OPCML: variants seen among roughly 807,000 people sequenced by gnomAD.
OPCML encodes the protein opioid-binding protein/cell adhesion molecule.
Under a neutral mutation model 37.8 loss-of-function variants are expected in OPCML, and 13 were observed. That is an observed-to-expected ratio of 0.34 (90% confidence interval 0.22 to 0.55). The LOEUF (loss-of-function observed/expected upper bound fraction) is 0.55. Among genes scored for constraint, OPCML ranks in the 20% least tolerant of loss-of-function variants. The pLI is 0.91. For missense variants in OPCML, 341 were observed against 435.6 expected (o/e 0.78, Z 1.93); for synonymous variants, 176 against 168.8 (o/e 1.04, Z -0.33).
At chr11:132,706,709 C>G (rs1458410550) in intron 2 of OPCML, among the ~76,000 whole-genome samples, 1 of 152,160 alleles carries the variant, frequency 6.6e-6, no homozygotes, top group African/African-American at 2.4e-5. Flanking sequence ...AGCACTCCCC[C>G]ACCCTCTCAG....
chr11:133,236,289 A>G lies in OPCML; in HGVS notation c.62-293279T>C, dbSNP rs370129156. Among the ~76,000 whole-genome samples, 26 of 152,308 alleles carry G rather than the reference A, an allele frequency of 1.7e-4. No individual in the cohort carries two copies. In the East Asian group the frequency reaches 2.5e-3, roughly 15 times the overall value. ...GAGATGCTGGACAAAGGGATGATTCATGTCTGGGGTTAGATGGCACAGGAC... is the reference window on the plus strand; with the variant it reads ...GAGATGCTGGACAAAGGGATGATTCGTGTCTGGGGTTAGATGGCACAGGAC... On this transcript the variant is annotated intron_variant, in intron 1 of 7. Coordinates refer to ENST00000524381, the MANE Select transcript of OPCML (RefSeq NM_001012393.5).
chr11:132,898,630 T>A (rs1943935904), intron 2 of OPCML, among the ~76,000 whole-genome samples: 1 of 152,100 alleles, frequency 6.6e-6, no homozygotes, highest in Non-Finnish European at 1.5e-5. Flanking sequence ...TATGATCCTG[T>A]TTTTCCCATA....
At chr11:132,497,615 G>A (rs2096235563) in intron 4 of OPCML, among the ~76,000 whole-genome samples, 1 of 152,038 alleles carries the variant, frequency 6.6e-6, no homozygotes, top group Non-Finnish European at 1.5e-5. Flanking sequence ...AACATTCCAA[G>A]CAGAGGTAAT....
chr11:133,529,218 T>C (rs1201599638), intron 1 of OPCML, among the ~76,000 whole-genome samples: 2 of 152,212 alleles, frequency 1.3e-5, no homozygotes, highest in African/African-American at 2.4e-5. Context: ...TAGTTCAAAA[T>C]GCTTCCGTCT....
At chr11:132,963,800 A>G (rs781040348) in intron 1 of OPCML, among the ~76,000 whole-genome samples, 31 of 151,862 alleles carry the variant, frequency 2.0e-4, no homozygotes, top group Non-Finnish European at 4.4e-4. Context: ...TTTTTTTATT[A>G]TTATTCTACA....
At chr11:132,872,925 C>CTT (rs142924047) in intron 2 of OPCML, among the ~76,000 whole-genome samples, 3 of 147,326 alleles carry the variant, frequency 2.0e-5, no homozygotes, top group African/African-American at 7.4e-5. Flanking sequence ...TTCTTTCTTT[C>CTT]TTTTTTTTTT....
rs767855645 is a variant in OPCML, at chr11:132,529,133, T to C, written c.433A>G (p.Ser145Gly). 5.6e-6 allele frequency: 9 copies of C among 1,613,516 alleles called. No homozygotes were observed. The highest frequency in any genetic ancestry group is 7.6e-6 in the Non-Finnish European group (9 of 1,179,630). Reference sequence around the variant, plus strand: ...ATAGCAAGACACAGCAGGGTCACACTGCTTCCCTCATTCACAGTGATGTCT... The same window carrying C: ...ATAGCAAGACACAGCAGGGTCACACCGCTTCCCTCATTCACAGTGATGTCT... ...SSDITVNEGS[S>G]VTLLCLAIGR... The change falls in exon 4 of 8, where the codon AGT (serine) becomes GGT (glycine). Residue 145 changes from serine to glycine, a missense_variant. By Grantham distance (56) the Ser-to-Gly change is moderately conservative. Transcript: ENST00000524381.
intron 1 of OPCML, among the ~76,000 whole-genome samples, chr11:133,482,885 G>A (rs1428605013): frequency 2.0e-5 from 3 of 151,826 alleles, no homozygotes; most frequent in African/African-American, 4.8e-5. Context: ...TTAAACAAAC[G>A]CCCAAAATGT....
At chr11:133,521,900 C>G (rs1448589705) in intron 1 of OPCML, among the ~76,000 whole-genome samples, 2 of 152,208 alleles carry the variant, frequency 1.3e-5, no homozygotes, top group African/African-American at 4.8e-5. Context: ...AGGGGCTTGG[C>G]CTCCCCACTG....
chr11:133,388,298 A>T (rs570285896), intron 1 of OPCML, among the ~76,000 whole-genome samples: 2 of 152,348 alleles, frequency 1.3e-5, no homozygotes, highest in African/African-American at 4.8e-5. Context: ...GGTACTTTGA[A>T]TGTCTCCCAC....
intron 1 of OPCML, among the ~76,000 whole-genome samples, chr11:133,064,330 G>A (rs563614507): frequency 4.6e-5 from 7 of 152,204 alleles, no homozygotes; most frequent in Non-Finnish European, 8.8e-5. Flanking sequence ...CCCTGGTACC[G>A]CAACCCGCCT....
intron 2 of OPCML, among the ~76,000 whole-genome samples, chr11:132,728,862 G>A (rs1944976105): frequency 6.6e-6 from 1 of 152,186 alleles, no homozygotes; most frequent in African/African-American, 2.4e-5. Flanking sequence ...ATGTAGCTGA[G>A]TAGATGCCCA....
chr11:133,040,982 C>T (rs1220904830), intron 1 of OPCML, among the ~76,000 whole-genome samples: 1 of 152,140 alleles, frequency 6.6e-6, no homozygotes, highest in African/African-American at 2.4e-5. Context: ...AATCAGGAAG[C>T]TTTATGGGGG....
At chr11:132,723,149 T>C (rs1944737214) in intron 2 of OPCML, among the ~76,000 whole-genome samples, 1 of 152,184 alleles carries the variant, frequency 6.6e-6, no homozygotes, top group Admixed American at 6.5e-5. Flanking sequence ...TAGGAAATGG[T>C]TATTTATGTT....
chr11:133,527,570 A>T lies in OPCML; in HGVS notation c.61+4694T>A, dbSNP rs182199558. Among the ~76,000 whole-genome samples the T allele has an allele frequency of 1.8e-3, 274 of 152,342 alleles. 2 individuals carry two copies. The highest frequency in any genetic ancestry group is 0.016 in the Admixed American group (252 of 15,298). On this transcript the variant is annotated intron_variant, in intron 1 of 7. Transcript: ENST00000524381. ...ACCTTATCTTCTCCCATTTTTAACA[A>T]TATGGAATGTCCTCTCCCCTTCTCC...
At chr11:132,971,446 T>C (rs1257055046) in intron 1 of OPCML, among the ~76,000 whole-genome samples, 2 of 152,182 alleles carry the variant, frequency 1.3e-5, no homozygotes, top group Non-Finnish European at 2.9e-5. Flanking sequence ...AACACAGCCT[T>C]TCTTTATATC....
Position 133,208,584 on chromosome 11 carries a change from C to G in OPCML, c.62-265574G>C, listed in dbSNP as rs1004265841. 1.3e-5 allele frequency among the ~76,000 whole-genome samples: 2 copies of G among 152,170 alleles called. No individual in the cohort carries two copies. The highest frequency in any genetic ancestry group is 4.8e-5 in the African/African-American group (2 of 41,440). ...CATATGTGTATTAGTGAAGTTGAAG[C>G]AGGAAAAGCTGGATTTTGACACATA... On this transcript the variant is annotated intron_variant, in intron 1 of 7. Coordinates refer to ENST00000524381, the MANE Select transcript of OPCML (RefSeq NM_001012393.5). The surrounding 1 kb of genome is among the most constrained non-coding windows in gnomAD (Gnocchi z 8.9).
At chr11:133,425,375 G>T (rs533457845) in intron 1 of OPCML, among the ~76,000 whole-genome samples, 1 of 152,270 alleles carries the variant, frequency 6.6e-6, no homozygotes, top group East Asian at 1.9e-4. Flanking sequence ...GGTCTCCTTG[G>T]GGTGTTGCAG....
chr11:133,530,762 C>T (rs554362612), intron 1 of OPCML, among the ~76,000 whole-genome samples: 4 of 152,288 alleles, frequency 2.6e-5, no homozygotes, highest in African/African-American at 9.6e-5. Context: ...TTAAAAAGTG[C>T]CATCTTCACA....
Sources: gnomAD v4.1 joint callset for allele counts (sites outside exome capture counted in the v4.1 genomes callset) on GRCh38, gnomAD v4.1.1 for gene constraint, Gnocchi (gnomAD v3.1) non-coding constraint, MANE v1.5 for transcripts, NCBI Gene and HGNC (gene_info 2026-07-23, HGNC 2026-07-21) for gene names.